Variants in PASK observed in about 807,000 individuals in gnomAD.
PASK encodes the protein PAS domain-containing serine/threonine-protein kinase.
Under a neutral mutation model 121.0 loss-of-function variants are expected in PASK, and 110 were observed. The observed-to-expected ratio is 0.91, with a 90% CI of 0.78 to 1.06. PASK has a LOEUF of 1.06. Among genes scored for constraint, PASK ranks in the 50% least tolerant of loss-of-function variants. The probability of loss-of-function intolerance (pLI) is 0.00; values close to 1 mark genes in which losing one functional copy is unlikely to be tolerated. For missense variants in PASK, 1,643 were observed against 1,702.3 expected, an observed-to-expected ratio of 0.97 and a Z score of 0.61; for synonymous variants, 686 against 717.8, an observed-to-expected ratio of 0.96 and a Z score of 0.71.
intron 11 of PASK, 126 bp downstream of exon 11, chr2:241,123,820 GAAA>G (rs745583195): frequency 6.3e-4 from 423 of 668,574 alleles, no homozygotes; most frequent in Non-Finnish European, 7.4e-4. Flanking sequence ...CTCCGTCCCA[GAAA>G]AAAAAAAAAA....
intron 1 of PASK, among the ~76,000 whole-genome samples, chr2:241,147,123 A>C (rs898834510): frequency 6.6e-6 from 1 of 152,226 alleles, no homozygotes; most frequent in Non-Finnish European, 1.5e-5. Context: ...AATTATTGCC[A>C]TAATAAATAA....
chr2:241,114,752 T>C, intron 14 of PASK: 1 of 1,393,926 alleles, frequency 7.2e-7, no homozygotes, highest in Non-Finnish European at 9.3e-7. Flanking sequence ...GGTTAATTTT[T>C]ATGATTGTTG....
At chr2:241,120,085 C>G (rs1353718202) in intron 12 of PASK, among the ~76,000 whole-genome samples, 1 of 151,978 alleles carries the variant, frequency 6.6e-6, no homozygotes, top group Non-Finnish European at 1.5e-5. Flanking sequence ...AGTGAAAAGA[C>G]AACACATTTA....
intron 14 of PASK, 96 bp downstream of exon 14, chr2:241,114,947 G>C: frequency 6.2e-7 from 1 of 1,603,578 alleles, no homozygotes; most frequent in South Asian, 1.1e-5. Context: ...ATCCAGCTCA[G>C]AGAGAGAACC....
In PASK at chr2:241,108,570, G is replaced by T; in HGVS notation, c.3534-270C>A. ...TCCTTGTGGACACCAACCACAAGAC[G>T]TGTCTACCAGAGGGGGGAGCGGGGG... is the stretch of plus-strand genomic sequence containing the variant. On this transcript the variant is annotated intron_variant, in intron 15 of 17. Coordinates refer to ENST00000234040, the MANE Select transcript of PASK (RefSeq NM_015148.4). The surrounding 1 kb of genome is among the most constrained non-coding windows in gnomAD (Gnocchi z 5.2). 1.9e-6 allele frequency: 1 copy of T among 524,912 alleles called. No individual in the cohort carries two copies. The highest frequency in any genetic ancestry group is 3.5e-6 in the Non-Finnish European group (1 of 287,650). The allele number at this position is 524,912 out of a possible 1,614,324, so 32.5% of individuals were successfully genotyped here. A position where few individuals can be genotyped will look rare whatever the true frequency, so the allele number is the denominator to read the frequency against.
rs139250945 is a variant in PASK at position 241,117,665 on chromosome 2, G to T, written c.3073-2252C>A. Reference sequence around the variant, plus strand: ...CCTGGTGAAAACTTTGAAAGACAAAGATTTTACATCTAGAAAGAAAAATAA... The same window carrying T: ...CCTGGTGAAAACTTTGAAAGACAAATATTTTACATCTAGAAAGAAAAATAA... On this transcript the variant is annotated intron_variant, in intron 12 of 17. Transcript: ENST00000234040. Among the ~76,000 whole-genome samples the T allele has an allele frequency of 7.7e-3, 1,174 of 152,296 alleles. 17 individuals are homozygous for T. The highest frequency in any genetic ancestry group is 0.026 in the African/African-American group (1,101 of 41,556).
intron 8 of PASK, chr2:241,133,482 C>T (rs1294287995): frequency 3.7e-6 from 1 of 269,056 alleles, no homozygotes; most frequent in Non-Finnish European, 7.3e-6. Flanking sequence ...CTTCCCTAGG[C>T]CTCCTGGGAC....
At chr2:241,132,483 C>T (rs1398658401) in intron 9 of PASK, among the ~76,000 whole-genome samples, 1 of 133,430 alleles carries the variant, frequency 7.5e-6, no homozygotes, top group Admixed American at 8.2e-5. Context: ...GAGCTGAGAT[C>T]GCACCACTGC....
In PASK at chr2:241,138,642, T is replaced by A; in HGVS notation, c.741+12A>T. The stretch of plus-strand genomic sequence containing the variant: ...AGCGTCCATGAGACATGAGGCAAAG[T>A]TGCACACTCACATCGCTCTGGAAAG... On this transcript the variant is annotated intron_variant, in intron 5 of 17. Coordinates refer to ENST00000234040, the MANE Select transcript of PASK (RefSeq NM_015148.4). The A allele has an allele frequency of 1.2e-6, 2 of 1,613,680 alleles. No homozygotes were observed. Among genetic ancestry groups the A allele is most frequent in the Non-Finnish European group, 1.7e-6 (2 of 1,179,950 alleles).
chr2:241,139,483 A>G (rs1420832809), intron 4 of PASK: 1 of 478,356 alleles, frequency 2.1e-6, no homozygotes, highest in Admixed American at 2.3e-5. Context: ...CTTCCAGGCC[A>G]ACACCCCCGC....
At chr2:241,136,140 T>C (rs911567026) in intron 7 of PASK, 101 bp from the exon 8 acceptor site, 2 of 1,071,270 alleles carry the variant, frequency 1.9e-6, no homozygotes, top group African/African-American at 3.1e-5. Flanking sequence ...AGCCAGTCCC[T>C]GAGGGTTCAC....
chr2:241,125,283 C>G (rs2065800694), intron 10 of PASK, among the ~76,000 whole-genome samples: 2 of 143,946 alleles, frequency 1.4e-5, no homozygotes, highest in Admixed American at 1.4e-4. Context: ...CTAGGGTGGA[C>G]AGAGTAAGAC....
chr2:241,122,351 G>C (rs1181363551), intron 12 of PASK, among the ~76,000 whole-genome samples: 1 of 152,228 alleles, frequency 6.6e-6, no homozygotes, highest in African/African-American at 2.4e-5. Flanking sequence ...GATTAAGCAT[G>C]TTTTCAGCAT....
In PASK at chr2:241,122,715, C is replaced by G. The variant is rs2302049; in HGVS notation, c.3072+17G>C. ...GAAGTGGTGCCCGGCGCCACTCCCCCCCCACAGCCAGGTTACCTCCTTGTT... is the reference window on the plus strand; with the variant it reads ...GAAGTGGTGCCCGGCGCCACTCCCCGCCCACAGCCAGGTTACCTCCTTGTT... On this transcript the variant is annotated intron_variant, in intron 12 of 17. Coordinates refer to ENST00000234040, the MANE Select transcript of PASK (RefSeq NM_015148.4). The G allele has an allele frequency of 0.21, 338,389 of 1,612,296 alleles. 36,998 individuals are homozygous for G. Among genetic ancestry groups the G allele is most frequent in the Middle Eastern group, 0.3 (1,790 of 6,060 alleles).
At chr2:241,125,605 A>C (rs56288586) in intron 10 of PASK, among the ~76,000 whole-genome samples, 9,229 of 115,560 alleles carry the variant, frequency 0.08, 290 homozygotes, top group East Asian at 0.24. Flanking sequence ...GTCTCAAAAA[A>C]AAAGAAAAAA....
chr2:241,110,413 C>T (rs1424032836), intron 15 of PASK, among the ~76,000 whole-genome samples: 1 of 152,190 alleles, frequency 6.6e-6, no homozygotes, highest in East Asian at 1.9e-4. Context: ...AACTCAGAAA[C>T]CCTTTCATCC....
In PASK at chr2:241,127,156, A is replaced by C. The variant is rs1575286758; in HGVS notation, c.1759T>G (p.Trp587Gly). Residue 587 changes from tryptophan (W) to glycine (G), a missense_variant, in exon 10 of 18, where the codon TGG becomes GGG. Around this residue, in one of 3 missense-constraint regions of PASK, gnomAD observed 1,176 missense variants for 1,162.2 expected, o/e 1.01. Transcript: ENST00000234040. ...GVSGPSGSDL[W>G]AGAAVAKPQA... ...GGCTTGGCCACGGCAGCCCCAGCCCAAAGGTCTGAACCGCTGGGACCACTG... is the reference window on the plus strand; with the variant it reads ...GGCTTGGCCACGGCAGCCCCAGCCCCAAGGTCTGAACCGCTGGGACCACTG... 1 of 1,614,016 alleles carries C rather than the reference A, an allele frequency of 6.2e-7. No homozygotes were observed. The highest frequency in any genetic ancestry group is 1.1e-5 in the South Asian group (1 of 91,090).
intron 9 of PASK, among the ~76,000 whole-genome samples, chr2:241,130,691 C>T (rs762567842): frequency 2.0e-5 from 3 of 152,180 alleles, no homozygotes; most frequent in Non-Finnish European, 2.9e-5. Context: ...CCCTCTCACG[C>T]CACTCAACGC....
chr2:241,112,323 G>A lies in PASK; in HGVS notation c.3450C>T (p.Ala1150=), dbSNP rs143601240. The A allele has an allele frequency of 2.6e-4, 418 of 1,613,476 alleles. 1 individual carries two copies. The highest frequency in any genetic ancestry group is 4.9e-4 in the Middle Eastern group (3 of 6,076). The change falls in exon 15 of 18, where the codon GCC becomes GCT. Residue 1150 remains alanine, a synonymous_variant. Transcript: ENST00000234040. The surrounding 1 kb of genome is among the most constrained non-coding windows in gnomAD (Gnocchi z 5.2). The part of the protein sequence containing the change: ...FTIKLIDFGS[A]AYLERGKLFY... Reference sequence around the variant, plus strand: ...ATAATTTTCCCCTTTCCAAGTAGGCGGCCGAGCCAAAGTCTATCAGCTTGA... The same window carrying A: ...ATAATTTTCCCCTTTCCAAGTAGGCAGCCGAGCCAAAGTCTATCAGCTTGA...
Sources: gnomAD v4.1 joint callset for allele counts (sites outside exome capture counted in the v4.1 genomes callset) on GRCh38, gnomAD v4.1.1 for gene constraint, gnomAD v4.1.1 regional missense constraint, Gnocchi (gnomAD v3.1) non-coding constraint, MANE v1.5 for transcripts, NCBI Gene and HGNC (gene_info 2026-07-23, HGNC 2026-07-21) for gene names.